The following PLA2R1 variants were observed in gnomAD, a reference collection of about 807,000 sequenced individuals.
PLA2R1 encodes secretory phospholipase A2 receptor.
A neutral mutation model predicts 195.9 loss-of-function variants in PLA2R1; 158 were observed. That is an observed-to-expected ratio of 0.81 (90% CI 0.71 to 0.92). The LOEUF is 0.92. PLA2R1 is among the 40% of genes least tolerant of loss of function. PLA2R1 has a pLI of 0.00. For synonymous variants in PLA2R1, 586 were observed against 598.2 expected (o/e 0.98, Z 0.30); for missense variants, 1,626 against 1,764.6 (o/e 0.92, Z 1.41).
rs142117970 is a variant in PLA2R1 at position 159,976,702 on chromosome 2, G to A, written c.2420C>T (p.Pro807Leu). The A allele has an allele frequency of 4.7e-5, 76 of 1,608,306 alleles. No individual in the cohort carries two copies. The highest frequency in any genetic ancestry group is 2.9e-4 in the African/African-American group (22 of 74,888). Residue 807 changes from proline (P) to leucine (L), a missense_variant, in exon 16 of 30, where the codon CCG becomes CTG. Coordinates refer to ENST00000283243, the MANE Select transcript of PLA2R1 (RefSeq NM_007366.5). ...KIPRDVKPKI[P>L]FWYQYDVPWL... Reference sequence around the variant, plus strand: ...ATTCTTACCGTACTGGTACCAGAACGGAATCTTGGGTTTCACATCTGCAAA... The same window carrying A: ...ATTCTTACCGTACTGGTACCAGAACAGAATCTTGGGTTTCACATCTGCAAA...
At chr2:160,055,807 T>A (rs571070564) in intron 1 of PLA2R1, among the ~76,000 whole-genome samples, 11 of 152,258 alleles carry the variant, frequency 7.2e-5, no homozygotes, top group Admixed American at 3.9e-4. Flanking sequence ...GAGTAACGAC[T>A]CCCCAGCTGT....
intron 14 of PLA2R1, among the ~76,000 whole-genome samples, chr2:159,978,290 A>G (rs900439473): frequency 1.3e-5 from 2 of 152,222 alleles, no homozygotes; most frequent in Admixed American, 6.5e-5. Flanking sequence ...TTTAATGACT[A>G]TCTCACAGAA....
intron 1 of PLA2R1, among the ~76,000 whole-genome samples, chr2:160,061,434 A>G (rs545891743): frequency 6.6e-4 from 101 of 152,232 alleles, no homozygotes; most frequent in South Asian, 1.9e-3. Flanking sequence ...AAGGCTTCAG[A>G]TCACGCAGTT....
chr2:160,007,805 C>T (rs767547141), intron 10 of PLA2R1, among the ~76,000 whole-genome samples: 31 of 152,142 alleles, frequency 2.0e-4, no homozygotes, highest in Non-Finnish European at 3.8e-4. Flanking sequence ...TGTTAAGATG[C>T]TCATACTACC....
intron 11 of PLA2R1, among the ~76,000 whole-genome samples, chr2:159,996,348 T>G (rs928490486): frequency 2.6e-5 from 4 of 152,000 alleles, no homozygotes; most frequent in Non-Finnish European, 5.9e-5. Context: ...CTCTTAACAC[T>G]TTAAATATTT....
At chr2:160,062,174 C>T in intron 1 of PLA2R1, 121 bp downstream of exon 1, 1 of 723,522 alleles carries the variant, frequency 1.4e-6, no homozygotes, top group Non-Finnish European at 2.2e-6. Context: ...CGAACCCCTA[C>T]AAACGCGGCC....
chr2:159,971,582 G>A (rs184412314), intron 17 of PLA2R1, among the ~76,000 whole-genome samples: 18 of 152,076 alleles, frequency 1.2e-4, no homozygotes, highest in Admixed American at 7.9e-4. Context: ...AGGAAGTAAG[G>A]GTTTTTCTAA....
chr2:160,006,643 G>A (rs1438999299), intron 10 of PLA2R1, among the ~76,000 whole-genome samples: 3 of 152,210 alleles, frequency 2.0e-5, no homozygotes, highest in African/African-American at 7.2e-5. Context: ...TTTCAGCTAA[G>A]TTGAAACTAT....
intron 24 of PLA2R1, 69 bp downstream of exon 24, chr2:159,951,271 C>A: frequency 2.5e-6 from 2 of 810,852 alleles, no homozygotes; most frequent in Non-Finnish European, 4.2e-6. Context: ...TTTCAGTGGC[C>A]AGATCATGAA....
intron 3 of PLA2R1, among the ~76,000 whole-genome samples, chr2:160,038,818 A>G (rs1387023757): frequency 6.6e-6 from 1 of 152,110 alleles, no homozygotes; most frequent in Non-Finnish European, 1.5e-5. Context: ...GAGAGCAGCC[A>G]TACCTTTGTT....
chr2:160,054,183 C>T (rs1695395020), intron 1 of PLA2R1, among the ~76,000 whole-genome samples: 1 of 152,138 alleles, frequency 6.6e-6, no homozygotes, highest in African/African-American at 2.4e-5. Flanking sequence ...CACCTGTAAT[C>T]CCAGCACTTT....
intron 11 of PLA2R1, among the ~76,000 whole-genome samples, chr2:159,997,196 T>C (rs1378039157): frequency 1.3e-5 from 2 of 152,096 alleles, no homozygotes; most frequent in East Asian, 3.9e-4. Context: ...CGTTCTACAA[T>C]TTTACCATTA....
intron 7 of PLA2R1, among the ~76,000 whole-genome samples, chr2:160,021,653 G>A (rs1442917987): frequency 6.6e-6 from 1 of 152,200 alleles, no homozygotes. Flanking sequence ...GCTGAGGGTT[G>A]AAAAATCACC....
chr2:159,945,182 T>G, intron 27 of PLA2R1, 100 bp from the exon 28 acceptor site: 1 of 586,824 alleles, frequency 1.7e-6, no homozygotes, highest in Non-Finnish European at 2.5e-6. Context: ...ATTTTTTTAT[T>G]TTTTTATTTT....
At chr2:160,049,697 G>C (rs555526387) in intron 1 of PLA2R1, among the ~76,000 whole-genome samples, 2 of 152,082 alleles carry the variant, frequency 1.3e-5, no homozygotes, top group Non-Finnish European at 2.9e-5. Context: ...GTGGTGGTGC[G>C]TGCCTGTATT....
At position 159,935,070 on chromosome 2, in the gene PLA2R1, A is replaced by G. The variant is rs543521779; in HGVS notation, c.*6708T>C. On this transcript the variant is annotated 3_prime_UTR_variant, in exon 30 of 30. Transcript: ENST00000283243. ...ACTTGGATTTGTCTAATGTTTTTTC[A>G]TGATTGAGATTATGCATTTTGGGGA... 7 of 152,184 alleles carry G rather than the reference A, an allele frequency of 4.6e-5. No individual in the cohort carries two copies. In the South Asian group the frequency reaches 1.5e-3, roughly 32 times the overall value. The allele number at this position is 152,184 out of a possible 1,614,324, so 9.4% of individuals were successfully genotyped here.
intron 25 of PLA2R1, among the ~76,000 whole-genome samples, chr2:159,947,899 G>C (rs77743444): frequency 0.18 from 26,894 of 152,072 alleles, 2,705 homozygotes; most frequent in South Asian, 0.42. Context: ...CAGAGAGAGT[G>C]GCAGCTGACT....
At chr2:159,964,096 A>G (rs904588257) in intron 20 of PLA2R1, among the ~76,000 whole-genome samples, 1 of 152,198 alleles carries the variant, frequency 6.6e-6, no homozygotes, top group Non-Finnish European at 1.5e-5. Context: ...GATATATGCT[A>G]AAGCACAAAT....
intron 18 of PLA2R1, 41 bp from the exon 19 acceptor site, chr2:159,969,400 G>T: frequency 9.7e-7 from 1 of 1,029,546 alleles, no homozygotes; most frequent in Admixed American, 1.8e-5. Context: ...CTCTCATTCT[G>T]CATGTCCAGT....
Sources: gnomAD v4.1 joint callset for allele counts (sites outside exome capture counted in the v4.1 genomes callset) on GRCh38, gnomAD v4.1.1 for gene constraint, MANE v1.5 for transcripts, NCBI Gene and HGNC (gene_info 2026-07-23, HGNC 2026-07-21) for gene names.